Variants in C4BPA observed in about 807,000 individuals in gnomAD.
The protein encoded by C4BPA is C4b-binding protein alpha chain.
Under a neutral mutation model 63.7 loss-of-function variants are expected in C4BPA, and 31 were observed. The observed-to-expected ratio is 0.49, with a 90% CI of 0.37 to 0.66. The LOEUF is 0.66. Ranked by LOEUF, C4BPA falls within the 30% of genes least tolerant of loss-of-function variation. The probability of loss-of-function intolerance (pLI) is 0.00; values close to 1 mark genes in which losing one functional copy is unlikely to be tolerated. For missense variants in C4BPA, 572 were observed against 723.3 expected (o/e 0.79, Z 2.40); for synonymous variants, 259 against 254.7 (o/e 1.02, Z -0.16).
rs900525910 is a variant in C4BPA at position 207,125,724 on chromosome 1, G to A, written c.707-989G>A. The stretch of plus-strand genomic sequence containing the variant: ...CTTGAGCTTCCCAGCCTCCAGAACT[G>A]TGAGAAAGAAATTTCCATAATTTAT... On this transcript the variant is annotated intron_variant, in intron 6 of 11. Coordinates refer to ENST00000367070, the MANE Select transcript of C4BPA (RefSeq NM_000715.4). Among the ~76,000 whole-genome samples the A allele has an allele frequency of 2.0e-5, 3 of 152,254 alleles. No homozygotes were observed. The East Asian group carries it at 5.8e-4, about 29-fold the overall frequency.
chr1:207,137,426 T>A (rs1371482843), intron 9 of C4BPA, among the ~76,000 whole-genome samples: 1 of 152,154 alleles, frequency 6.6e-6, no homozygotes, highest in Non-Finnish European at 1.5e-5. Flanking sequence ...CATGTAAGAT[T>A]TATACTGGTT....
At chr1:207,130,071 G>C (rs1023868863) in intron 7 of C4BPA, among the ~76,000 whole-genome samples, 5 of 152,168 alleles carry the variant, frequency 3.3e-5, no homozygotes, top group African/African-American at 1.2e-4. Context: ...AATCAGCTAA[G>C]AGAAGGAAGG....
chr1:207,118,813 C>T lies in C4BPA; in HGVS notation c.428+3298C>T, dbSNP rs550650876. On this transcript the variant is annotated intron_variant, in intron 4 of 11. Coordinates refer to ENST00000367070, the MANE Select transcript of C4BPA (RefSeq NM_000715.4). ...TTCCCAATTTTTAGATTTCCATTTT[C>T]TTTTTCTTATCTACTTATGTTAATT... Among the ~76,000 whole-genome samples the T allele has an allele frequency of 7.6e-4, 115 of 152,236 alleles. 1 individual carries two copies. In the South Asian group the frequency reaches 1.0e-2, roughly 13 times the overall value.
chr1:207,105,557 CA>C (rs544639312), intron 1 of C4BPA, among the ~76,000 whole-genome samples: 943 of 65,688 alleles, frequency 0.014, 3 homozygotes, highest in African/African-American at 0.023. Flanking sequence ...AACTCCACCT[CA>C]AAAAAAAAAA....
intron 1 of C4BPA, among the ~76,000 whole-genome samples, chr1:207,109,485 A>ATTTTTT (rs1684623105): frequency 6.6e-6 from 1 of 152,338 alleles, no homozygotes; most frequent in South Asian, 2.1e-4. Flanking sequence ...AATAAAGGAA[A>ATTTTTT]CTGAGGCTTA....
At chr1:207,141,000 TAGA>T in intron 9 of C4BPA, 103 bp from the exon 10 acceptor site, 1 of 818,672 alleles carries the variant, frequency 1.2e-6, no homozygotes, top group South Asian at 2.0e-5. Context: ...GCAGCGAGGA[TAGA>T]AGGACAGAAT....
chr1:207,137,924 G>C (rs1157014671), intron 9 of C4BPA, among the ~76,000 whole-genome samples: 1 of 152,056 alleles, frequency 6.6e-6, no homozygotes, highest in Non-Finnish European at 1.5e-5. Flanking sequence ...AGCCATAAAT[G>C]TTTCTTATTA....
chr1:207,111,585 T>C (rs1376524691), intron 1 of C4BPA, among the ~76,000 whole-genome samples: 1 of 152,170 alleles, frequency 6.6e-6, no homozygotes, highest in Admixed American at 6.5e-5. Flanking sequence ...ACTTCCCTTC[T>C]CCCACACAGT....
At chr1:207,139,537 C>G (rs969077225) in intron 9 of C4BPA, among the ~76,000 whole-genome samples, 1 of 152,108 alleles carries the variant, frequency 6.6e-6, no homozygotes, top group Non-Finnish European at 1.5e-5. Context: ...ATGGCTCTTA[C>G]CCCGCAGGTC....
intron 9 of C4BPA, among the ~76,000 whole-genome samples, chr1:207,138,115 A>AATAT (rs1411522827): frequency 6.6e-6 from 1 of 152,182 alleles, no homozygotes; most frequent in East Asian, 1.9e-4. Context: ...CAATACCAAA[A>AATAT]ATATTTATCT....
chr1:207,116,733 T>TA (rs1349490812), intron 4 of C4BPA, among the ~76,000 whole-genome samples: 1 of 152,172 alleles, frequency 6.6e-6, no homozygotes, highest in Non-Finnish European at 1.5e-5. Flanking sequence ...CTACTTCTTT[T>TA]ATATTTTCAT....
intron 1 of C4BPA, among the ~76,000 whole-genome samples, chr1:207,109,013 G>A (rs761777851): frequency 1.1e-4 from 17 of 152,132 alleles, no homozygotes; most frequent in Non-Finnish European, 1.5e-4. Flanking sequence ...GAGCTACCGC[G>A]TCTGACCTGT....
intron 1 of C4BPA, among the ~76,000 whole-genome samples, chr1:207,106,378 A>G (rs1246654646): frequency 2.6e-5 from 4 of 151,740 alleles, no homozygotes; most frequent in Non-Finnish European, 4.4e-5. Flanking sequence ...ATAAAATTAA[A>G]TTGACTTTCA....
chr1:207,144,004 C>G lies in C4BPA; in HGVS notation c.1620+11C>G. 1 of 1,558,146 alleles carries G rather than the reference C, an allele frequency of 6.4e-7. No individual in the cohort carries two copies. Among genetic ancestry groups the G allele is most frequent in the African/African-American group, 1.4e-5 (1 of 72,968 alleles). ...CCCAAGTGTGAGTGGGTAAGTGGCACAATTCAAGGAAGTTCTGTGCTGTCG... is the reference window on the plus strand; with the variant it reads ...CCCAAGTGTGAGTGGGTAAGTGGCAGAATTCAAGGAAGTTCTGTGCTGTCG... On this transcript the variant is annotated intron_variant, in intron 11 of 11. Coordinates refer to ENST00000367070, the MANE Select transcript of C4BPA (RefSeq NM_000715.4).
Position 207,124,359 on chromosome 1 carries a change from C to CT in C4BPA, c.700dup (p.Cys234LeufsTer2), listed in dbSNP as rs759078752. Reference sequence around the variant, plus strand: ...GTGTTTGGAGACCAAGCCCTCCTACCTGTGAAAGTAAGTCATAATGATGAA... The same window carrying CT: ...GTGTTTGGAGACCAAGCCCTCCTACCTTGTGAAAGTAAGTCATAATGATGAA... On this transcript the variant is annotated frameshift_variant, in exon 6 of 12. Coordinates refer to ENST00000367070, the MANE Select transcript of C4BPA (RefSeq NM_000715.4). LOFTEE classifies it high-confidence loss of function. 77 of 1,606,604 alleles carry CT rather than the reference C, an allele frequency of 4.8e-5. No individual in the cohort carries two copies. The highest frequency in any genetic ancestry group is 6.6e-5 in the Non-Finnish European group (77 of 1,174,088).
intron 1 of C4BPA, among the ~76,000 whole-genome samples, chr1:207,107,214 G>C (rs1684578584): frequency 6.6e-6 from 1 of 152,206 alleles, no homozygotes. Context: ...GAGCATTAAT[G>C]CATGGGAGAC....
At chr1:207,112,946 C>T in intron 1 of C4BPA, 55 bp from the exon 2 acceptor site, 1 of 1,463,292 alleles carries the variant, frequency 6.8e-7, no homozygotes, top group Non-Finnish European at 9.1e-7. Flanking sequence ...TATTCTAGTG[C>T]TTTATGACAA....
intron 11 of C4BPA, 98 bp from the exon 12 acceptor site, chr1:207,144,440 GTTGGTC>G (rs1685488229): frequency 9.7e-6 from 9 of 928,726 alleles, no homozygotes; most frequent in Non-Finnish European, 1.3e-5. Context: ...CCAGTCTGAG[GTTGGTC>G]TTGGTTCAAT....
At position 207,120,286 on chromosome 1, in the gene C4BPA, A is replaced by G. The variant is rs1349383609; in HGVS notation, c.429-3636A>G. ...TAAATTTGATTTTCGGGTAAACAAC[A>G]AATAATTTTAGTGTATGTTCCATGC... On this transcript the variant is annotated intron_variant, in intron 4 of 11. Transcript: ENST00000367070. Among the ~76,000 whole-genome samples, 4 of 152,210 alleles carry G rather than the reference A, an allele frequency of 2.6e-5. No homozygotes were observed. The East Asian group carries it at 7.7e-4, about 29-fold the overall frequency.
Sources: allele counts gnomAD v4.1 joint callset (sites outside exome capture counted in the v4.1 genomes callset), GRCh38; gene constraint gnomAD v4.1.1; transcripts MANE v1.5; gene names NCBI Gene and HGNC (gene_info 2026-07-23, HGNC 2026-07-21).